RLN2: variants seen among roughly 807,000 people sequenced by gnomAD.
RLN2 encodes the protein relaxin 2, also known as prorelaxin H2.
Under a neutral mutation model 7.3 loss-of-function variants are expected in RLN2, and 10 were observed. The ratio of observed to expected loss-of-function variants is 1.36; its 90% CI spans 0.84 to 2.31. The LOEUF is 2.31. Ranked by LOEUF, RLN2 falls within the 30% of genes most tolerant of loss-of-function variation. The probability of loss-of-function intolerance (pLI) is 0.00; values close to 1 mark genes in which losing one functional copy is unlikely to be tolerated. For missense variants in RLN2, 298 were observed against 217.6 expected (o/e 1.37, Z -2.32); for synonymous variants, 103 against 82.3 (o/e 1.25, Z -1.36).
At chr9:5,324,125 G>T in the RLN2 span, among the ~76,000 whole-genome samples, 1 of 151,916 alleles carries the variant, frequency 6.6e-6, no homozygotes, top group African/African-American at 2.4e-5. Flanking sequence ...ATTGTTATAT[G>T]TGCAAAAAAA....
upstream of RLN2, among the ~76,000 whole-genome samples, chr9:5,305,316 A>G (rs980018740): frequency 6.7e-6 from 1 of 149,916 alleles, no homozygotes; most frequent in Non-Finnish European, 1.5e-5. Context: ...TGAACATTTT[A>G]ATTTAAAATT....
chr9:5,335,023 C>A, the RLN2 span: 29 of 397,544 alleles, frequency 7.3e-5, no homozygotes, highest in Middle Eastern at 6.4e-4. Flanking sequence ...AAAGAATCAA[C>A]ACAATTATAC....
At chr9:5,318,358 T>C in the RLN2 span, among the ~76,000 whole-genome samples, 3 of 151,948 alleles carry the variant, frequency 2.0e-5, no homozygotes, top group Non-Finnish European at 2.9e-5. Flanking sequence ...TAATATGAAA[T>C]ACATTTAAAA....
At chr9:5,318,978 G>C in the RLN2 span, among the ~76,000 whole-genome samples, 1 of 151,960 alleles carries the variant, frequency 6.6e-6, no homozygotes, top group African/African-American at 2.4e-5. Context: ...ACTATACCCA[G>C]ATGTTTGATG....
At chr9:5,328,659 G>C in the RLN2 span, among the ~76,000 whole-genome samples, 1 of 152,010 alleles carries the variant, frequency 6.6e-6, no homozygotes, top group African/African-American at 2.4e-5. Flanking sequence ...GGCAGCCAGA[G>C]AGAAAGGTCA....
At chr9:5,306,409 G>C (rs2130995978), upstream of RLN2, among the ~76,000 whole-genome samples, 1 of 151,880 alleles carries the variant, frequency 6.6e-6, no homozygotes, top group South Asian at 2.1e-4. Flanking sequence ...TTGCCTACAT[G>C]GTTTTATAGA....
chr9:5,334,054 G>A, the RLN2 span, among the ~76,000 whole-genome samples: 731 of 152,074 alleles, frequency 4.8e-3, 16 homozygotes, highest in African/African-American at 0.017. Flanking sequence ...CAAACCCACA[G>A]CCAATAGCAT....
the RLN2 span, chr9:5,311,570 A>G: frequency 1.3e-6 from 1 of 791,682 alleles, no homozygotes; most frequent in Non-Finnish European, 2.2e-6. Flanking sequence ...CAAGCCTAAA[A>G]ACGCCCATGC....
chr9:5,313,855 A>G, the RLN2 span, among the ~76,000 whole-genome samples: 62 of 152,150 alleles, frequency 4.1e-4, no homozygotes, highest in Middle Eastern at 0.01. Context: ...AAGGTGTATT[A>G]GAAACTCTGT....
the RLN2 span, among the ~76,000 whole-genome samples, chr9:5,333,338 GA>G: frequency 0.011 from 1,651 of 152,072 alleles, 48 homozygotes; most frequent in East Asian, 0.037. Flanking sequence ...TGATAAGGGG[GA>G]TACTACCACT....
chr9:5,301,071 T>C (rs945294013), intron 1 of RLN2, among the ~76,000 whole-genome samples: 2 of 152,204 alleles, frequency 1.3e-5, no homozygotes, highest in Non-Finnish European at 2.9e-5. Flanking sequence ...GTATTTTATA[T>C]GAAAGAGAGA....
At chr9:5,325,317 C>G in the RLN2 span, among the ~76,000 whole-genome samples, 55 of 151,416 alleles carry the variant, frequency 3.6e-4, 3 homozygotes, top group African/African-American at 1.2e-3. Context: ...AGAAAGGCAA[C>G]AAGAATTTTA....
At chr9:5,335,401 C>T in the RLN2 span, 2 of 1,613,644 alleles carry the variant, frequency 1.2e-6, no homozygotes, top group Non-Finnish European at 8.5e-7. Flanking sequence ...CTTCACTTTG[C>T]CTATTGCGAA....
At chr9:5,315,451 C>T in the RLN2 span, among the ~76,000 whole-genome samples, 148,803 of 151,764 alleles carry the variant, frequency 0.98, 72,974 homozygotes, top group East Asian at 1. Flanking sequence ...ATGGGACATA[C>T]GGGACATCAT....
At chr9:5,335,573 T>C in the RLN2 span, 6 of 1,609,620 alleles carry the variant, frequency 3.7e-6, no homozygotes, top group South Asian at 6.7e-5. Flanking sequence ...TTCTGTATCT[T>C]TGTTGATGAA....
the RLN2 span, among the ~76,000 whole-genome samples, chr9:5,331,711 A>G: frequency 6.6e-6 from 1 of 152,000 alleles, no homozygotes; most frequent in African/African-American, 2.4e-5. Flanking sequence ...AGAAATACCT[A>G]ATACAAATGA....
At chr9:5,319,580 G>A in the RLN2 span, among the ~76,000 whole-genome samples, 3 of 152,034 alleles carry the variant, frequency 2.0e-5, no homozygotes, top group African/African-American at 7.2e-5. Context: ...TAGGGTTTGG[G>A]TAAAGTTACC....
chr9:5,304,342 A>G, intron 1 of RLN2, 28 bp downstream of exon 1: 1 of 1,506,086 alleles, frequency 6.6e-7, no homozygotes, highest in Non-Finnish European at 9.0e-7. Flanking sequence ...GAAGCGCGGG[A>G]AGGCCGGGAG....
At chr9:5,317,142 A>G in the RLN2 span, among the ~76,000 whole-genome samples, 1 of 152,142 alleles carries the variant, frequency 6.6e-6, no homozygotes, top group East Asian at 1.9e-4. Context: ...TCACAAAGAT[A>G]AACAACAAAC....
Sources: allele counts gnomAD v4.1 joint callset (sites outside exome capture counted in the v4.1 genomes callset), GRCh38; gene constraint gnomAD v4.1.1; transcripts MANE v1.5; gene names NCBI Gene and HGNC (gene_info 2026-07-23, HGNC 2026-07-21).